The following ROBO1 variants were observed in gnomAD, a reference collection of about 807,000 sequenced individuals.
The protein encoded by ROBO1 is roundabout homolog 1.
ROBO1 carries 149 observed loss-of-function variants against 195.9 expected under a neutral mutation model. That is an observed-to-expected ratio of 0.76 (90% CI 0.67 to 0.87). The LOEUF (loss-of-function observed/expected upper bound fraction) is 0.87. Among genes scored for constraint, ROBO1 ranks in the 40% least tolerant of loss-of-function variants. The pLI is 0.00. For synonymous variants in ROBO1, 816 were observed against 733.2 expected (o/e 1.11, Z -1.82); for missense variants, 1,933 against 2,068.3 (o/e 0.93, Z 1.27).
intron 2 of ROBO1, among the ~76,000 whole-genome samples, chr3:79,577,165 A>G (rs1943514103): frequency 6.6e-6 from 1 of 152,194 alleles, no homozygotes; most frequent in Non-Finnish European, 1.5e-5. Context: ...TGTTATTTGT[A>G]ATGTTGACAA....
intron 1 of ROBO1, among the ~76,000 whole-genome samples, chr3:79,634,774 A>G (rs1366018317): frequency 2.0e-5 from 3 of 152,168 alleles, no homozygotes; most frequent in Non-Finnish European, 4.4e-5. Context: ...TATATTACTT[A>G]TGGGAATGTT....
intron 1 of ROBO1, among the ~76,000 whole-genome samples, chr3:79,677,930 T>G (rs188975110): frequency 6.6e-6 from 1 of 152,220 alleles, no homozygotes; most frequent in Admixed American, 6.6e-5. Context: ...ATTCACATAA[T>G]AAATACATGC....
At chr3:79,193,999 T>C (rs2081587679) in intron 2 of ROBO1, among the ~76,000 whole-genome samples, 1 of 151,670 alleles carries the variant, frequency 6.6e-6, no homozygotes, top group African/African-American at 2.4e-5. Flanking sequence ...AGTACCAACT[T>C]GAAGGAAATA....
At chr3:78,699,735 G>A (rs915948907) in intron 8 of ROBO1, among the ~76,000 whole-genome samples, 2 of 151,642 alleles carry the variant, frequency 1.3e-5, no homozygotes, top group Non-Finnish European at 2.9e-5. Flanking sequence ...GTGTCTTCTC[G>A]TATCACCTCT....
intron 4 of ROBO1, among the ~76,000 whole-genome samples, chr3:78,823,053 GT>G (rs1159931329): frequency 7.2e-5 from 11 of 152,070 alleles, no homozygotes; most frequent in African/African-American, 2.2e-4. Context: ...TAACAATTCA[GT>G]CTTTTTATTC....
intron 1 of ROBO1, among the ~76,000 whole-genome samples, chr3:79,719,430 G>A (rs1163403499): frequency 6.6e-6 from 1 of 151,962 alleles, no homozygotes; most frequent in Non-Finnish European, 1.5e-5. Context: ...AATATATCAA[G>A]ACAAAAGGGC....
At chr3:79,384,991 T>C (rs2036690661) in intron 2 of ROBO1, among the ~76,000 whole-genome samples, 1 of 152,070 alleles carries the variant, frequency 6.6e-6, no homozygotes, top group Non-Finnish European at 1.5e-5. Context: ...TGATAGAATA[T>C]TTTCAGTTTG....
intron 1 of ROBO1, among the ~76,000 whole-genome samples, chr3:79,673,447 C>A (rs932647111): frequency 6.6e-6 from 1 of 151,866 alleles, no homozygotes; most frequent in African/African-American, 2.4e-5. Flanking sequence ...ATAACAGGTA[C>A]TGGCTAGGTG....
chr3:78,958,092 T>TA (rs759294661), intron 3 of ROBO1, among the ~76,000 whole-genome samples: 3 of 152,214 alleles, frequency 2.0e-5, no homozygotes, highest in Non-Finnish European at 4.4e-5. Flanking sequence ...CAATATATAA[T>TA]ACAGTCTTTT....
At chr3:79,610,903 C>A (rs1258873547) in intron 1 of ROBO1, among the ~76,000 whole-genome samples, 1 of 152,084 alleles carries the variant, frequency 6.6e-6, no homozygotes, top group African/African-American at 2.4e-5. Context: ...CAACACTTCT[C>A]TGAGTTCTGA....
chr3:79,522,350 A>G (rs1941245786), intron 2 of ROBO1, among the ~76,000 whole-genome samples: 1 of 142,252 alleles, frequency 7.0e-6, no homozygotes, highest in Non-Finnish European at 1.5e-5. Flanking sequence ...TTTTTTTGGA[A>G]TGTGCTCTCT....
intron 14 of ROBO1, among the ~76,000 whole-genome samples, chr3:78,666,027 C>T (rs76678910): frequency 0.01 from 1,584 of 152,064 alleles, 9 homozygotes; most frequent in Non-Finnish European, 0.016. Flanking sequence ...GTAGTTACCC[C>T]GTGCTGCTGT....
chr3:78,674,750 T>C (rs919443694), intron 10 of ROBO1, among the ~76,000 whole-genome samples: 1 of 152,200 alleles, frequency 6.6e-6, no homozygotes, highest in Admixed American at 6.5e-5. Context: ...AGTTGGCACA[T>C]GAAAACCTTT....
chr3:79,134,838 T>G (rs2080368422), intron 2 of ROBO1, among the ~76,000 whole-genome samples: 1 of 106,800 alleles, frequency 9.4e-6, no homozygotes, highest in African/African-American at 3.7e-5. Context: ...AATTGAACAA[T>G]GAGATCACAT....
At chr3:79,018,813 C>G (rs1490461227) in intron 3 of ROBO1, 1 of 1,044,948 alleles carries the variant, frequency 9.6e-7, no homozygotes, top group Non-Finnish European at 1.2e-6. Context: ...CGGCGTGCGC[C>G]CCCACAATGT....
Position 78,639,900 on chromosome 3 carries a change from T to C in ROBO1, c.2883-2A>G. Reference sequence around the variant, plus strand: ...TCACTGATGTTGAGAAGTCCAGGCCTAAATAAAAAAAAAATATTAAAGCAA... The same window carrying C: ...TCACTGATGTTGAGAAGTCCAGGCCCAAATAAAAAAAAAATATTAAAGCAA... On this transcript the variant is annotated splice_acceptor_variant, in intron 21 of 30. Coordinates refer to ENST00000464233, the MANE Select transcript of ROBO1 (RefSeq NM_002941.4). LOFTEE classifies it high-confidence loss of function. 6.5e-7 allele frequency: 1 copy of C among 1,527,058 alleles called. No individual in the cohort carries two copies. Among genetic ancestry groups the C allele is most frequent in the Non-Finnish European group, 8.8e-7 (1 of 1,136,498 alleles). The allele number at this position is 1,527,058 out of a possible 1,614,324, so 94.6% of individuals were successfully genotyped here.
intron 1 of ROBO1, among the ~76,000 whole-genome samples, chr3:79,646,142 CA>C (rs1448211367): frequency 2.0e-5 from 3 of 151,906 alleles, no homozygotes; most frequent in African/African-American, 7.2e-5. Flanking sequence ...AGTAAAGAGG[CA>C]ACCAACAGAA....
At chr3:79,383,106 C>G (rs193094906) in intron 2 of ROBO1, among the ~76,000 whole-genome samples, 176 of 152,196 alleles carry the variant, frequency 1.2e-3, no homozygotes, top group Non-Finnish European at 1.9e-3. Context: ...TCAAAGAGAG[C>G]TTCCTATTAT....
intron 1 of ROBO1, among the ~76,000 whole-genome samples, chr3:79,596,126 T>C (rs1560024121): frequency 2.0e-5 from 3 of 152,034 alleles, no homozygotes; most frequent in Non-Finnish European, 4.4e-5. Flanking sequence ...CAATCTCTAT[T>C]TAAATCAATC....
Sources: gnomAD v4.1 joint callset for allele counts (sites outside exome capture counted in the v4.1 genomes callset) on GRCh38, gnomAD v4.1.1 for gene constraint, MANE v1.5 for transcripts, NCBI Gene and HGNC (gene_info 2026-07-23, HGNC 2026-07-21) for gene names.